NCOA7: variants seen among roughly 807,000 people sequenced by gnomAD.
The protein encoded by NCOA7 is nuclear receptor coactivator 7.
Under a neutral mutation model 104.3 loss-of-function variants are expected in NCOA7, and 45 were observed. That is an observed-to-expected ratio of 0.43 (90% CI 0.34 to 0.55). The LOEUF (loss-of-function observed/expected upper bound fraction) is 0.55, where lower values mean the gene tolerates loss of function less well. Ranked by LOEUF, NCOA7 falls within the 20% of genes least tolerant of loss-of-function variation. The pLI, the probability that NCOA7 is intolerant of heterozygous loss-of-function variation, is 0.02. For synonymous variants in NCOA7, 398 were observed against 402.3 expected (o/e 0.99, Z 0.13); for missense variants, 1,041 against 1,119.7 (o/e 0.93, Z 1.00).
chr6:125,924,982 T>A (rs922133675), intron 13 of NCOA7, among the ~76,000 whole-genome samples: 2 of 152,138 alleles, frequency 1.3e-5, no homozygotes, highest in Non-Finnish European at 1.5e-5. Flanking sequence ...CTACCCACCC[T>A]CCACTCACAG....
chr6:125,875,218 C>T, intron 4 of NCOA7: 1 of 386,934 alleles, frequency 2.6e-6, no homozygotes, highest in Non-Finnish European at 4.9e-6. Flanking sequence ...TGACCACCAG[C>T]ATTGTTTAGG....
intron 8 of NCOA7, 37 bp from the exon 9 acceptor site, chr6:125,888,902 A>C: frequency 6.9e-7 from 1 of 1,449,660 alleles, no homozygotes; most frequent in Non-Finnish European, 9.2e-7. Context: ...TTTTATTTTT[A>C]ACATTCCATG....
At chr6:125,893,387 C>T (rs1293683546) in intron 10 of NCOA7, among the ~76,000 whole-genome samples, 1 of 152,186 alleles carries the variant, frequency 6.6e-6, no homozygotes, top group Non-Finnish European at 1.5e-5. Flanking sequence ...AATTAAATTT[C>T]GATGGTGAAC....
At chr6:125,860,813 G>T (rs964174975) in intron 3 of NCOA7, among the ~76,000 whole-genome samples, 2 of 152,122 alleles carry the variant, frequency 1.3e-5, no homozygotes, top group Non-Finnish European at 2.9e-5. Context: ...CATAAGATTG[G>T]AAAGAGATGG....
intron 3 of NCOA7, among the ~76,000 whole-genome samples, chr6:125,861,786 C>G (rs1782071023): frequency 6.6e-6 from 1 of 152,114 alleles, no homozygotes; most frequent in Non-Finnish European, 1.5e-5. Flanking sequence ...CCTATAATCC[C>G]AGCACTTTGG....
Position 125,881,203 on chromosome 6 carries a change from T to C in NCOA7, c.573T>C (p.Pro191=), listed in dbSNP as rs756625460. The C allele has an allele frequency of 1.8e-5, 29 of 1,591,488 alleles. No individual in the cohort carries two copies. Among genetic ancestry groups the C allele is most frequent in the Non-Finnish European group, 2.4e-5 (28 of 1,159,772 alleles). Reference sequence around the variant, plus strand: ...CAGATGCAGAATATGATAAATTGCCTGTATGTATATTATGCACTGAAGTTC... The same window carrying C: ...CAGATGCAGAATATGATAAATTGCCCGTATGTATATTATGCACTGAAGTTC... ...SSSDAEYDKL[P]DADLARKALK... is the part of the protein sequence containing the mutation. Residue 191 remains proline, a splice_region_variant and synonymous_variant, in exon 6 of 16, where the codon CCT becomes CCC. Transcript: ENST00000392477.
chr6:125,928,641 G>T lies in NCOA7; in HGVS notation c.2699G>T (p.Arg900Leu). The change falls in exon 16 of 16, where the codon CGA becomes CTA. Residue 900 changes from arginine (R) to leucine (L), a missense_variant. Arg to Leu is a moderately radical substitution (Grantham distance 102). Transcript: ENST00000392477. ...TTTTTTTTTAACCTTTTCAGGGGAC[G>T]ATTTGGTTTATGGCTAGATGCTGAT... ...SSLELGGGGG[R>L]FGLWLDADLY... 1 of 1,597,988 alleles carries T rather than the reference G, an allele frequency of 6.3e-7. No homozygotes were observed.
At chr6:125,782,860 A>T (rs2128535897) in intron 1 of NCOA7, among the ~76,000 whole-genome samples, 1 of 152,294 alleles carries the variant, frequency 6.6e-6, no homozygotes, top group African/African-American at 2.4e-5. Flanking sequence ...GGCAAAAGGA[A>T]CTTTGCAAAT....
intron 3 of NCOA7, among the ~76,000 whole-genome samples, chr6:125,859,600 A>G (rs1781873273): frequency 6.6e-6 from 1 of 152,234 alleles, no homozygotes; most frequent in Non-Finnish European, 1.5e-5. Flanking sequence ...TATTTTTAAT[A>G]TTAATAATCA....
chr6:125,784,076 A>T (rs1376544786), intron 1 of NCOA7, among the ~76,000 whole-genome samples: 1 of 152,256 alleles, frequency 6.6e-6, no homozygotes, highest in Non-Finnish European at 1.5e-5. Flanking sequence ...TTCATCTTAT[A>T]GAGTGCCAAT....
chr6:125,814,500 G>C (rs756037531), intron 1 of NCOA7, among the ~76,000 whole-genome samples: 7 of 152,180 alleles, frequency 4.6e-5, no homozygotes, highest in Non-Finnish European at 7.3e-5. Flanking sequence ...TATTGCTTCA[G>C]GGTGAAAGGA....
At chr6:125,927,874 C>A in intron 14 of NCOA7, 116 bp downstream of exon 14, 2 of 892,880 alleles carry the variant, frequency 2.2e-6, no homozygotes, top group East Asian at 2.5e-5. Flanking sequence ...TGACTCCGGG[C>A]TGGGTCAGCC....
chr6:125,851,759 T>C (rs1781150310), intron 2 of NCOA7, among the ~76,000 whole-genome samples: 1 of 152,218 alleles, frequency 6.6e-6, no homozygotes, highest in Admixed American at 6.5e-5. Flanking sequence ...ACATCTATTG[T>C]TTTTTGACTT....
At chr6:125,884,991 T>G (rs1245814478) in intron 7 of NCOA7, among the ~76,000 whole-genome samples, 168 bp from the exon 8 acceptor site, 1 of 152,208 alleles carries the variant, frequency 6.6e-6, no homozygotes, top group African/African-American at 2.4e-5. Flanking sequence ...TAGCATTGCA[T>G]TTCTTCAGCC....
intron 6 of NCOA7, 113 bp downstream of exon 6, chr6:125,881,316 G>A (rs1271278341): frequency 1.4e-5 from 11 of 814,052 alleles, no homozygotes; most frequent in Non-Finnish European, 2.0e-5. Flanking sequence ...CTAGATGGTT[G>A]AGATTAGGTA....
intron 1 of NCOA7, among the ~76,000 whole-genome samples, chr6:125,811,300 C>A (rs1018295691): frequency 1.4e-4 from 22 of 152,104 alleles, no homozygotes; most frequent in African/African-American, 5.1e-4. Context: ...TACCTCCTTG[C>A]TTAGCTTTTA....
At chr6:125,901,849 G>A (rs1785531135) in intron 10 of NCOA7, among the ~76,000 whole-genome samples, 2 of 152,144 alleles carry the variant, frequency 1.3e-5, no homozygotes, top group Admixed American at 6.5e-5. Context: ...GCTTTCAGTG[G>A]GATGGGGAGC....
At chr6:125,919,134 T>C in intron 11 of NCOA7, 1 of 1,042,188 alleles carries the variant, frequency 9.6e-7, no homozygotes, top group Middle Eastern at 3.2e-4. Flanking sequence ...CTCACAGCGA[T>C]GCCTGGCAGG....
At chr6:125,922,093 C>T (rs139813619) in intron 12 of NCOA7, among the ~76,000 whole-genome samples, 103 of 152,316 alleles carry the variant, frequency 6.8e-4, no homozygotes, top group African/African-American at 2.4e-3. Flanking sequence ...TTTAAGCACT[C>T]TGAAGACTCA....
Sources: allele counts gnomAD v4.1 joint callset (sites outside exome capture counted in the v4.1 genomes callset), GRCh38; gene constraint gnomAD v4.1.1; transcripts MANE v1.5; gene names NCBI Gene and HGNC (gene_info 2026-07-23, HGNC 2026-07-21).